Variants in NWD2 observed in about 807,000 individuals in gnomAD.
The protein encoded by NWD2 is NACHT and WD repeat domain containing 2.
Under a neutral mutation model 132.7 loss-of-function variants are expected in NWD2, and 37 were observed. The ratio of observed to expected loss-of-function variants is 0.28; its 90% CI spans 0.21 to 0.37. The LOEUF (loss-of-function observed/expected upper bound fraction) is 0.37, where lower values mean the gene tolerates loss of function less well. NWD2 is among the 10% of genes least tolerant of loss of function. The pLI is 1.00. For synonymous variants in NWD2, 705 were observed against 803.0 expected (o/e 0.88, Z 2.06); for missense variants, 1,592 against 2,122.4 (o/e 0.75, Z 4.91).
At chr4:37,359,520 C>A (rs1253928553) in intron 3 of NWD2, among the ~76,000 whole-genome samples, 7 of 152,064 alleles carry the variant, frequency 4.6e-5, no homozygotes, top group Non-Finnish European at 7.4e-5. Flanking sequence ...GTCATGATGA[C>A]CCCTGTGGGA....
chr4:37,437,058 C>T (rs552896468), intron 5 of NWD2, among the ~76,000 whole-genome samples: 4 of 152,062 alleles, frequency 2.6e-5, no homozygotes, highest in South Asian at 4.2e-4. Flanking sequence ...AGAGTTCCAC[C>T]GAAAGGAACC....
At chr4:37,256,517 T>TTA (rs1717522643) in intron 1 of NWD2, among the ~76,000 whole-genome samples, 1 of 152,116 alleles carries the variant, frequency 6.6e-6, no homozygotes, top group Non-Finnish European at 1.5e-5. Context: ...ACTCGATTGA[T>TTA]GATATTCTAG....
At chr4:37,353,549 AT>A (rs1260877051) in intron 2 of NWD2, among the ~76,000 whole-genome samples, 3 of 150,384 alleles carry the variant, frequency 2.0e-5, no homozygotes, top group African/African-American at 7.4e-5. Context: ...GTTTCTTTTC[AT>A]TTTTTTTCTC....
intron 1 of NWD2, among the ~76,000 whole-genome samples, chr4:37,246,445 C>G (rs566168684): frequency 1.3e-5 from 2 of 152,266 alleles, no homozygotes; most frequent in Middle Eastern, 3.4e-3. Flanking sequence ...ACGATATACT[C>G]TTGGGGGACG....
At chr4:37,253,981 T>C (rs1243389552) in intron 1 of NWD2, among the ~76,000 whole-genome samples, 1 of 152,134 alleles carries the variant, frequency 6.6e-6, no homozygotes, top group Non-Finnish European at 1.5e-5. Flanking sequence ...TTCTAACTTA[T>C]AAATGGGAGC....
At chr4:37,252,805 A>G (rs1717405166) in intron 1 of NWD2, among the ~76,000 whole-genome samples, 1 of 152,200 alleles carries the variant, frequency 6.6e-6, no homozygotes, top group Non-Finnish European at 1.5e-5. Flanking sequence ...AGGAAATGGA[A>G]GCTGCCCATC....
chr4:37,441,948 A>G (rs1331107623), intron 6 of NWD2, among the ~76,000 whole-genome samples: 1 of 152,200 alleles, frequency 6.6e-6, no homozygotes, highest in African/African-American at 2.4e-5. Context: ...GGGAGGACGG[A>G]GGAGGATGCC....
chr4:37,430,023 C>A (rs1376473837), intron 3 of NWD2, among the ~76,000 whole-genome samples: 1 of 151,968 alleles, frequency 6.6e-6, no homozygotes, highest in Admixed American at 6.6e-5. Flanking sequence ...GTTTCTTTTG[C>A]CAATTTAATA....
In NWD2 at chr4:37,284,681, A is replaced by G. The variant is rs71604060; in HGVS notation, c.151+39463A>G. 4.0e-3 allele frequency among the ~76,000 whole-genome samples: 604 copies of G among 152,314 alleles called. 4 individuals carry two copies. Among genetic ancestry groups the G allele is most frequent in the Admixed American group, 8.0e-3 (123 of 15,296 alleles). On this transcript the variant is annotated intron_variant, in intron 1 of 6. Coordinates refer to ENST00000309447, the MANE Select transcript of NWD2 (RefSeq NM_001144990.2). ...AAAAGGAAGACATTGTTCAATTTGGAAGAGTGGAACAGATGAGGTGCATGT... is the reference window on the plus strand; with the variant it reads ...AAAAGGAAGACATTGTTCAATTTGGGAGAGTGGAACAGATGAGGTGCATGT...
At chr4:37,339,793 C>A (rs1719482379) in intron 2 of NWD2, among the ~76,000 whole-genome samples, 1 of 151,990 alleles carries the variant, frequency 6.6e-6, no homozygotes, top group South Asian at 2.1e-4. Context: ...TATATTGTAC[C>A]CATTAAGTAA....
chr4:37,305,765 G>C (rs1485235932), intron 1 of NWD2, among the ~76,000 whole-genome samples: 1 of 152,040 alleles, frequency 6.6e-6, no homozygotes, highest in Non-Finnish European at 1.5e-5. Flanking sequence ...TGTTCATCAG[G>C]GTTATTGGTC....
rs1312943421 is a variant in NWD2, at chr4:37,445,729, C to T, written c.3741C>T (p.Ile1247=). Residue 1247 remains isoleucine, a synonymous_variant, in exon 7 of 7, where the codon ATC becomes ATT. Coordinates refer to ENST00000309447, the MANE Select transcript of NWD2 (RefSeq NM_001144990.2). The surrounding 1 kb of genome is among the most constrained non-coding windows in gnomAD (Gnocchi z 4.7). ...TGTCTAAAAATGGAGATTGTATCAT[C>T]GCCACCATGGAAAATACCTCAGCTG... ...AVLSKNGDCI[I]ATMENTSAVF... 5.1e-5 allele frequency: 79 copies of T among 1,551,720 alleles called. No homozygotes were observed. Among genetic ancestry groups the T allele is most frequent in the Non-Finnish European group, 5.8e-5 (66 of 1,147,020 alleles).
At chr4:37,387,582 G>C (rs1217278768) in intron 3 of NWD2, among the ~76,000 whole-genome samples, 4 of 150,596 alleles carry the variant, frequency 2.7e-5, no homozygotes, top group African/African-American at 9.8e-5. Flanking sequence ...ACCCTCTACT[G>C]TAGCCTCCCC....
chr4:37,434,929 T>C (rs531095998), intron 5 of NWD2, among the ~76,000 whole-genome samples: 1 of 152,082 alleles, frequency 6.6e-6, no homozygotes, highest in Admixed American at 6.5e-5. Flanking sequence ...AGGATCTAAT[T>C]TAGCATTAAA....
intron 1 of NWD2, among the ~76,000 whole-genome samples, chr4:37,291,675 A>G (rs937987078): frequency 6.6e-6 from 1 of 152,096 alleles, no homozygotes; most frequent in African/African-American, 2.4e-5. Flanking sequence ...ATATTAATAT[A>G]TTATTTATAA....
intron 1 of NWD2, among the ~76,000 whole-genome samples, chr4:37,267,938 A>G (rs1419870599): frequency 6.6e-6 from 1 of 151,850 alleles, no homozygotes; most frequent in Non-Finnish European, 1.5e-5. Context: ...TCCAGTACTG[A>G]CTGATTCCTC....
intron 3 of NWD2, among the ~76,000 whole-genome samples, chr4:37,366,202 A>G (rs1378559226): frequency 6.6e-6 from 1 of 152,182 alleles, no homozygotes; most frequent in African/African-American, 2.4e-5. Context: ...AAAGTCTCCA[A>G]TAATATCTTG....
intron 3 of NWD2, among the ~76,000 whole-genome samples, chr4:37,396,778 A>G (rs1016892090): frequency 1.3e-5 from 2 of 152,270 alleles, no homozygotes; most frequent in Non-Finnish European, 2.9e-5. Context: ...CACCCCTGTA[A>G]TCCCAGCACT....
intron 1 of NWD2, among the ~76,000 whole-genome samples, chr4:37,320,095 T>A (rs1719038227): frequency 6.6e-6 from 1 of 152,236 alleles, no homozygotes; most frequent in African/African-American, 2.4e-5. Context: ...TATTGTGTCT[T>A]GTAATCCATG....
Sources: allele counts gnomAD v4.1 joint callset (sites outside exome capture counted in the v4.1 genomes callset), GRCh38; gene constraint gnomAD v4.1.1; non-coding constraint Gnocchi (gnomAD v3.1); transcripts MANE v1.5; gene names NCBI Gene and HGNC (gene_info 2026-07-23, HGNC 2026-07-21).